Variants in TRAPPC8 observed in about 807,000 individuals in gnomAD.
TRAPPC8 encodes the protein general sporulation gene 1 homolog.
TRAPPC8 carries 54 observed loss-of-function variants against 174.3 expected under a neutral mutation model. That is an observed-to-expected ratio of 0.31 (90% CI 0.25 to 0.39). The LOEUF (loss-of-function observed/expected upper bound fraction) is 0.39, where lower values mean the gene tolerates loss of function less well. Among genes scored for constraint, TRAPPC8 ranks in the 10% least tolerant of loss-of-function variants. The pLI, the probability that TRAPPC8 is intolerant of heterozygous loss-of-function variation, is 1.00. For missense variants in TRAPPC8, 1,531 were observed against 1,699.1 expected (o/e 0.90, Z 1.74); for synonymous variants, 630 against 579.9 (o/e 1.09, Z -1.24).
intron 1 of TRAPPC8, among the ~76,000 whole-genome samples, chr18:31,933,892 A>G (rs1401847041): frequency 1.3e-5 from 2 of 152,170 alleles, no homozygotes; most frequent in African/African-American, 2.4e-5. Context: ...AGATACACAA[A>G]AAGTATACAT....
intron 26 of TRAPPC8, among the ~76,000 whole-genome samples, chr18:31,842,368 AG>A (rs1231149799): frequency 6.6e-6 from 1 of 152,228 alleles, no homozygotes; most frequent in Non-Finnish European, 1.5e-5. Flanking sequence ...TTCTGTTGGT[AG>A]TTTACTTAGG....
At chr18:31,831,218 G>C (rs1054428527) in intron 28 of TRAPPC8, among the ~76,000 whole-genome samples, 1 of 152,086 alleles carries the variant, frequency 6.6e-6, no homozygotes, top group African/African-American at 2.4e-5. Context: ...AGGTATGGTG[G>C]TGCACGCCTG....
At chr18:31,873,099 C>T (rs993667028) in intron 14 of TRAPPC8, among the ~76,000 whole-genome samples, 5 of 145,478 alleles carry the variant, frequency 3.4e-5, no homozygotes, top group African/African-American at 1.0e-4. Flanking sequence ...CTCACTGCAA[C>T]CTCCGCCTCC....
intron 5 of TRAPPC8, among the ~76,000 whole-genome samples, chr18:31,911,904 CA>C (rs1317220235): frequency 3.8e-5 from 5 of 130,824 alleles, no homozygotes; most frequent in Non-Finnish European, 6.5e-5. Flanking sequence ...TTCTTCTAAA[CA>C]AAAAACAGTG....
intron 27 of TRAPPC8, among the ~76,000 whole-genome samples, chr18:31,833,859 G>A (rs1311013176): frequency 2.6e-5 from 4 of 151,814 alleles, no homozygotes; most frequent in South Asian, 2.1e-4. Context: ...AAAAGTAGCC[G>A]GGCGTGGTGG....
chr18:31,883,332 G>A (rs2035552337), intron 12 of TRAPPC8: 1 of 152,002 alleles, frequency 6.6e-6, no homozygotes, highest in Non-Finnish European at 1.5e-5. Flanking sequence ...AATTGATGCT[G>A]ACCAAACACA....
intron 10 of TRAPPC8, among the ~76,000 whole-genome samples, chr18:31,899,693 TCC>T (rs919014027): frequency 2.0e-5 from 3 of 152,210 alleles, no homozygotes; most frequent in African/African-American, 7.2e-5. Flanking sequence ...GCACCTGTAA[TCC>T]CAGGATTTTG....
intron 5 of TRAPPC8, among the ~76,000 whole-genome samples, chr18:31,911,627 T>G (rs1236421091): frequency 6.6e-6 from 1 of 150,400 alleles, no homozygotes; most frequent in African/African-American, 2.5e-5. Flanking sequence ...TAATCCCAGC[T>G]ACTCGGGAAG....
At chr18:31,897,944 C>G in intron 10 of TRAPPC8, 53 bp from the exon 11 acceptor site, 2 of 1,459,302 alleles carry the variant, frequency 1.4e-6, no homozygotes, top group Non-Finnish European at 1.9e-6. Flanking sequence ...CTTAGCACAT[C>G]AAAGTAAATG....
At chr18:31,919,576 AT>A (rs1568136494) in intron 2 of TRAPPC8, among the ~76,000 whole-genome samples, 4 of 122,852 alleles carry the variant, frequency 3.3e-5, no homozygotes, top group Non-Finnish European at 5.4e-5. Flanking sequence ...AAATAAATAA[AT>A]AAATAAATAA....
rs1568153937 is a variant in TRAPPC8, at chr18:31,933,020, A to AAAAAAAAAAAAAAAAAAG, written c.158-1498_158-1497insCTTTTTTTTTTTTTTTTT. On this transcript the variant is annotated intron_variant, in intron 1 of 28. Coordinates refer to ENST00000283351, the MANE Select transcript of TRAPPC8 (RefSeq NM_014939.5). ...CTCAAAAAAAAAAAAAAAAAAAAAAAGCCGGGCGCAGTGGCTCACACCTGT... is the reference window on the plus strand; with the variant it reads ...CTCAAAAAAAAAAAAAAAAAAAAAAAAAAAAAAAAAAAAAAAAGGCCGGGCGCAGTGGCTCACACCTGT... Among the ~76,000 whole-genome samples, 14 of 128,948 alleles carry AAAAAAAAAAAAAAAAAAG rather than the reference A, an allele frequency of 1.1e-4. 2 individuals carry two copies. Among genetic ancestry groups the AAAAAAAAAAAAAAAAAAG allele is most frequent in the African/African-American group, 4.0e-4 (13 of 32,716 alleles). The allele number at this position is 128,948 out of a possible 152,430, so 84.6% of individuals were successfully genotyped here. A position where few individuals can be genotyped will look rare whatever the true frequency, so the allele number is the denominator to read the frequency against.
intron 24 of TRAPPC8, among the ~76,000 whole-genome samples, chr18:31,851,269 C>A (rs1022435849): frequency 3.3e-5 from 5 of 152,064 alleles, no homozygotes; most frequent in African/African-American, 1.2e-4. Context: ...CTCCCAAAGT[C>A]CACCCAAGAT....
rs752721111 is a variant in TRAPPC8, at chr18:31,867,478, TA to T, written c.2389-3del. ...AATCATTTCAGGTTCACTTGTAACC[TA>T]AAAAATAAATTTCATAAATTATACA... On this transcript the variant is annotated splice_region_variant and splice_polypyrimidine_tract_variant and intron_variant, in intron 16 of 28. Coordinates refer to ENST00000283351, the MANE Select transcript of TRAPPC8 (RefSeq NM_014939.5). 1.1e-5 allele frequency: 17 copies of T among 1,588,188 alleles called. No homozygotes were observed. The highest frequency in any genetic ancestry group is 1.5e-5 in the Non-Finnish European group (17 of 1,160,156).
At chr18:31,917,511 A>T in intron 3 of TRAPPC8, 67 bp downstream of exon 3, 1 of 1,443,618 alleles carries the variant, frequency 6.9e-7, no homozygotes, top group Non-Finnish European at 9.5e-7. Flanking sequence ...TGCCTTCATT[A>T]ACTATTTCTG....
intron 1 of TRAPPC8, among the ~76,000 whole-genome samples, chr18:31,932,300 G>T (rs1461357765): frequency 2.0e-5 from 3 of 151,922 alleles, no homozygotes; most frequent in Non-Finnish European, 4.4e-5. Context: ...GGTGGCGGGT[G>T]CCTGTAATCC....
chr18:31,853,188 C>G (rs1309446861), intron 22 of TRAPPC8, among the ~76,000 whole-genome samples: 1 of 152,210 alleles, frequency 6.6e-6, no homozygotes, highest in Non-Finnish European at 1.5e-5. Context: ...TGGCTATTCA[C>G]AGATAAACTC....
chr18:31,864,951 A>T (rs181062549), intron 18 of TRAPPC8, among the ~76,000 whole-genome samples, 170 bp from the exon 19 acceptor site: 14 of 152,194 alleles, frequency 9.2e-5, no homozygotes, highest in Admixed American at 2.6e-4. Context: ...TCCATGTTTA[A>T]CACCAACTAA....
intron 19 of TRAPPC8, among the ~76,000 whole-genome samples, chr18:31,862,821 C>G (rs1222924955): frequency 1.3e-5 from 2 of 151,820 alleles, no homozygotes; most frequent in Non-Finnish European, 2.9e-5. Flanking sequence ...TTTGGGAGGC[C>G]GAGGTGGGCG....
intron 9 of TRAPPC8, among the ~76,000 whole-genome samples, chr18:31,905,639 C>A (rs1193450173): frequency 6.6e-6 from 1 of 152,130 alleles, no homozygotes; most frequent in Admixed American, 6.5e-5. Flanking sequence ...TTTGTTTGTG[C>A]TCTGGTTACA....
Sources: allele counts gnomAD v4.1 joint callset (sites outside exome capture counted in the v4.1 genomes callset), GRCh38; gene constraint gnomAD v4.1.1; transcripts MANE v1.5; gene names NCBI Gene and HGNC (gene_info 2026-07-23, HGNC 2026-07-21).